SARNP: variants seen among roughly 807,000 people sequenced by gnomAD.
SARNP encodes SAP domain containing ribonucleoprotein.
In SARNP, 5 loss-of-function variants were observed where a neutral mutation model predicts 38.1. The observed-to-expected ratio is 0.13, with a 90% confidence interval of 0.07 to 0.28. The LOEUF is 0.28. Among genes scored for constraint, SARNP ranks in the 10% least tolerant of loss-of-function variants. SARNP has a pLI of 1.00. For missense variants in SARNP, 180 were observed against 243.9 expected (o/e 0.74, Z 1.75); for synonymous variants, 84 against 80.6 (o/e 1.04, Z -0.23).
chr12:55,805,417 A>C (rs924691661), intron 1 of SARNP, among the ~76,000 whole-genome samples: 1 of 152,130 alleles, frequency 6.6e-6, no homozygotes, highest in Non-Finnish European at 1.5e-5. Flanking sequence ...TCACCCATTA[A>C]AAATTATTTT....
At chr12:55,800,024 T>C (rs1390212816) in intron 4 of SARNP, among the ~76,000 whole-genome samples, 1 of 151,718 alleles carries the variant, frequency 6.6e-6, no homozygotes, top group Non-Finnish European at 1.5e-5. Context: ...ACCCTGTCTC[T>C]ACTAAAAATA....
intron 2 of SARNP, 109 bp from the exon 3 acceptor site, chr12:55,801,009 G>A (rs1879964337): frequency 2.3e-6 from 2 of 875,178 alleles, no homozygotes; most frequent in Non-Finnish European, 3.8e-6. Flanking sequence ...ATCCAACAGT[G>A]AAGGCAGAAA....
chr12:55,769,195 CCT>C (rs1878934732), intron 9 of SARNP, among the ~76,000 whole-genome samples: 1 of 152,082 alleles, frequency 6.6e-6, no homozygotes, highest in African/African-American at 2.4e-5. Flanking sequence ...TCTAAAGGCC[CCT>C]GAGGAATCTC....
rs146930644 is a variant in SARNP at position 55,786,435 on chromosome 12, G to GGTTTGTTT, written c.501+2632_501+2639dup. ...ATATGGCACAACACAAGTGAGCTTT[G>GGTTTGTTT]GTTTGTTTGTTTGTTTGTTTGTTTG... On this transcript the variant is annotated intron_variant, in intron 9 of 10. Coordinates refer to ENST00000336133, the MANE Select transcript of SARNP (RefSeq NM_033082.4). 7.0e-3 allele frequency among the ~76,000 whole-genome samples: 1,056 copies of GGTTTGTTT among 150,850 alleles called. 13 individuals are homozygous for GGTTTGTTT. Among genetic ancestry groups the GGTTTGTTT allele is most frequent in the Admixed American group, 0.019 (294 of 15,114 alleles).
Position 55,796,080 on chromosome 12 carries a change from G to A in SARNP, c.252-4C>T. 1 of 1,601,630 alleles carries A rather than the reference G, an allele frequency of 6.2e-7. No individual in the cohort carries two copies. Among genetic ancestry groups the A allele is most frequent in the Non-Finnish European group, 8.6e-7 (1 of 1,169,306 alleles). On this transcript the variant is annotated splice_polypyrimidine_tract_variant and splice_region_variant and intron_variant, in intron 4 of 10. Transcript: ENST00000336133. The stretch of plus-strand genomic sequence containing the variant: ...CACCACTTTCTTCTCTGCTGCCCTA[G>A]AAAAGAAAGAGATTTTTTAAAATGA...
intron 9 of SARNP, among the ~76,000 whole-genome samples, chr12:55,766,603 TG>T (rs1443693971): frequency 9.9e-6 from 1 of 101,150 alleles, no homozygotes; most frequent in Non-Finnish European, 1.8e-5. Flanking sequence ...ATATATTTTG[TG>T]GGTTTTTTTG....
chr12:55,808,672 G>A lies in SARNP; in HGVS notation c.37-4944C>T, dbSNP rs563776751. Among the ~76,000 whole-genome samples the A allele has an allele frequency of 6.6e-5, 10 of 151,948 alleles. 1 individual carries two copies. The South Asian group carries it at 2.1e-3, about 32-fold the overall frequency. On this transcript the variant is annotated intron_variant, in intron 1 of 10. Coordinates refer to ENST00000336133, the MANE Select transcript of SARNP (RefSeq NM_033082.4). ...GCTACTAGGGAAGCTGAGGTGGGAG[G>A]AACGCTTGAACCTGGGAGGTCAAGG... is the stretch of plus-strand genomic sequence containing the variant.
intron 1 of SARNP, among the ~76,000 whole-genome samples, chr12:55,811,313 T>G (rs185058190): frequency 3.2e-4 from 48 of 152,212 alleles, no homozygotes; most frequent in Admixed American, 3.0e-3. Context: ...TCCCAGCACT[T>G]TGGGAGGCTG....
At chr12:55,805,619 G>A (rs1391191971) in intron 1 of SARNP, among the ~76,000 whole-genome samples, 9 of 152,198 alleles carry the variant, frequency 5.9e-5, no homozygotes, top group Non-Finnish European at 1.2e-4. Flanking sequence ...GGCCTAGGCA[G>A]GCAGATCAAC....
chr12:55,757,451 G>T lies in SARNP; in HGVS notation c.*61C>A. ...TGACTGTGCATTTAGGCATATATGT[G>T]ACCAAGAAGAAGGAGAGAAATGGAA... On this transcript the variant is annotated 3_prime_UTR_variant, in exon 11 of 11. Transcript: ENST00000336133. 2.7e-6 allele frequency: 4 copies of T among 1,470,552 alleles called. No individual in the cohort carries two copies. In the South Asian group the frequency reaches 3.6e-5, roughly 13 times the overall value. The allele number at this position is 1,470,552 out of a possible 1,614,324, so 91.1% of individuals were successfully genotyped here.
At chr12:55,784,641 T>C (rs1879435574) in intron 9 of SARNP, among the ~76,000 whole-genome samples, 1 of 152,236 alleles carries the variant, frequency 6.6e-6, no homozygotes, top group South Asian at 2.1e-4. Flanking sequence ...TGATAAATAA[T>C]TTCTACGCCA....
At chr12:55,778,258 T>C (rs1191611413) in intron 9 of SARNP, among the ~76,000 whole-genome samples, 1 of 152,182 alleles carries the variant, frequency 6.6e-6, no homozygotes, top group African/African-American at 2.4e-5. Flanking sequence ...GCAATTCTCG[T>C]GATTCAGCCT....
At chr12:55,809,280 A>G (rs1372018679) in intron 1 of SARNP, among the ~76,000 whole-genome samples, 1 of 151,790 alleles carries the variant, frequency 6.6e-6, no homozygotes, top group Admixed American at 6.6e-5. Flanking sequence ...CAGTAAGGCT[A>G]TTGAAAAAAA....
intron 9 of SARNP, among the ~76,000 whole-genome samples, chr12:55,780,973 G>A (rs1879324843): frequency 6.6e-6 from 1 of 152,180 alleles, no homozygotes; most frequent in African/African-American, 2.4e-5. Context: ...CACAGATAAG[G>A]GAGGACTGCT....
At chr12:55,786,844 A>C (rs1421911949) in intron 9 of SARNP, among the ~76,000 whole-genome samples, 2 of 152,094 alleles carry the variant, frequency 1.3e-5, no homozygotes, top group Non-Finnish European at 2.9e-5. Context: ...TTCTTACTTC[A>C]CAAAAATGAG....
chr12:55,817,654 G>C lies in SARNP; in HGVS notation c.36+12C>G, dbSNP rs774266166. ...GAAAAGTCCAACTCAGCCCTTCCCCGATTCACGGTACCTTTAGCTTATGGA... is the reference window on the plus strand; with the variant it reads ...GAAAAGTCCAACTCAGCCCTTCCCCCATTCACGGTACCTTTAGCTTATGGA... On this transcript the variant is annotated intron_variant, in intron 1 of 10. Coordinates refer to ENST00000336133, the MANE Select transcript of SARNP (RefSeq NM_033082.4). 17 of 1,610,646 alleles carry C rather than the reference G, an allele frequency of 1.1e-5. No individual in the cohort carries two copies. Among genetic ancestry groups the C allele is most frequent in the East Asian group, 4.5e-5 (2 of 44,470 alleles).
At chr12:55,783,397 T>C (rs1879397436) in intron 9 of SARNP, among the ~76,000 whole-genome samples, 2 of 152,130 alleles carry the variant, frequency 1.3e-5, no homozygotes, top group Admixed American at 1.3e-4. Context: ...GTCCAAAGAA[T>C]TGAAGGGGAC....
At chr12:55,772,712 C>CTTTTTTT (rs11428581) in intron 9 of SARNP, among the ~76,000 whole-genome samples, 1 of 130,302 alleles carries the variant, frequency 7.7e-6, no homozygotes, top group African/African-American at 2.9e-5. Flanking sequence ...GAAGCTGAAA[C>CTTTTTTT]TTTTTTTTTT....
At chr12:55,802,224 G>A (rs892576340) in intron 2 of SARNP, among the ~76,000 whole-genome samples, 3 of 152,062 alleles carry the variant, frequency 2.0e-5, no homozygotes, top group Non-Finnish European at 4.4e-5. Flanking sequence ...GGAGTCCTTA[G>A]TCACATTAAG....
Sources: gnomAD v4.1 joint callset for allele counts (sites outside exome capture counted in the v4.1 genomes callset) on GRCh38, gnomAD v4.1.1 for gene constraint, MANE v1.5 for transcripts, NCBI Gene and HGNC (gene_info 2026-07-23, HGNC 2026-07-21) for gene names.